Variants in NSDHL observed in about 807,000 individuals in gnomAD.
The protein encoded by NSDHL is sterol-4-alpha-carboxylate 3-dehydrogenase, decarboxylating.
NSDHL carries 1 observed loss-of-function variant against 23.0 expected under a neutral mutation model. That is an observed-to-expected ratio of 0.04 (90% confidence interval 0.02 to 0.21). The LOEUF is 0.21. NSDHL is among the 10% of genes least tolerant of loss of function. The probability of loss-of-function intolerance (pLI) is 1.00; values close to 1 mark genes in which losing one functional copy is unlikely to be tolerated. For synonymous variants in NSDHL, 128 were observed against 121.1 expected (o/e 1.06, Z -0.37); for missense variants, 237 against 300.9 (o/e 0.79, Z 1.57).
At chrX:152,868,674 G>C in intron 7 of NSDHL, 110 bp from the exon 8 acceptor site, 1 of 662,085 alleles carries the variant, frequency 1.5e-6, no homozygotes, top group Non-Finnish European at 2.5e-6. Context: ...CACGTGGAAA[G>C]CTGCAGCAAT....
intron 4 of NSDHL, among the ~76,000 whole-genome samples, chrX:152,860,136 C>T (rs903245055): frequency 3.6e-5 from 4 of 112,460 alleles, no homozygotes; most frequent in African/African-American, 6.5e-5. Context: ...CATCCTCAGC[C>T]GGCCCAGCAG....
intron 1 of NSDHL, among the ~76,000 whole-genome samples, chrX:152,845,483 A>G (rs1556845410): frequency 1.8e-5 from 2 of 111,650 alleles, no homozygotes. Flanking sequence ...GTCAAGTGGC[A>G]TCTTTGTGTT....
intron 2 of NSDHL, among the ~76,000 whole-genome samples, chrX:152,847,503 T>C (rs782530758): frequency 9.0e-6 from 1 of 111,640 alleles, no homozygotes; most frequent in South Asian, 3.8e-4. Flanking sequence ...CAGTTCCTCA[T>C]TTATGTAAAT....
Position 152,855,328 on chromosome X carries a change from G to A in NSDHL, c.268-3442G>A, listed in dbSNP as rs1024892632. On this transcript the variant is annotated intron_variant, in intron 3 of 7. Coordinates refer to ENST00000370274, the MANE Select transcript of NSDHL (RefSeq NM_015922.3). ...CCATGACACTTTTAAAGTCACCTCGGTCTTGTGCATCTTTTGTTGCTGACA... is the reference window on the plus strand; with the variant it reads ...CCATGACACTTTTAAAGTCACCTCGATCTTGTGCATCTTTTGTTGCTGACA... 1.6e-3 allele frequency among the ~76,000 whole-genome samples: 183 copies of A among 111,784 alleles called. 1 individual carries two copies. The highest frequency in any genetic ancestry group is 5.7e-3 in the African/African-American group (175 of 30,790).
At chrX:152,840,137 GT>G (rs1352104523) in intron 1 of NSDHL, among the ~76,000 whole-genome samples, 4 of 112,341 alleles carry the variant, frequency 3.6e-5, no homozygotes, top group African/African-American at 6.5e-5. Flanking sequence ...TCGTGCCATG[GT>G]TTTTCAGCTC....
chrX:152,836,481 A>G (rs1351749323), intron 1 of NSDHL, among the ~76,000 whole-genome samples: 3 of 111,679 alleles, frequency 2.7e-5, no homozygotes, highest in African/African-American at 9.8e-5. Flanking sequence ...ATTTTTGTAT[A>G]AGGTGTAAGG....
chrX:152,857,687 G>A (rs911219727), intron 3 of NSDHL, among the ~76,000 whole-genome samples: 3 of 111,996 alleles, frequency 2.7e-5, no homozygotes, highest in Non-Finnish European at 5.6e-5. Context: ...ACAATTGGGG[G>A]AATTTGAATA....
At chrX:152,855,140 G>A (rs782635834) in intron 3 of NSDHL, among the ~76,000 whole-genome samples, 22 of 108,381 alleles carry the variant, frequency 2.0e-4, no homozygotes, top group South Asian at 4.2e-4. Flanking sequence ...GATTACAGGC[G>A]CCCACCACCA....
chrX:152,845,858 G>A lies in NSDHL; in HGVS notation c.-43-424G>A, dbSNP rs1193226542. Among the ~76,000 whole-genome samples, 6 of 112,340 alleles carry A rather than the reference G, an allele frequency of 5.3e-5. No homozygotes were observed. In the South Asian group the frequency reaches 1.5e-3, roughly 27 times the overall value. On this transcript the variant is annotated intron_variant, in intron 1 of 7. Coordinates refer to ENST00000370274, the MANE Select transcript of NSDHL (RefSeq NM_015922.3). The stretch of plus-strand genomic sequence containing the variant: ...AAAGGGAAGTGACTGGAGCAATTCC[G>A]TACAGTTCGTGATAGGCCCAGAGCA...
rs1488501708 is a variant in NSDHL at position 152,846,280 on chromosome X, A to G, written c.-43-2A>G. The stretch of plus-strand genomic sequence containing the variant: ...ATGTCTGTCTCTAACTATGTCTTTA[A>G]GAAAAGAAAAGTTGATTACAAACGG... On this transcript the variant is annotated splice_acceptor_variant, in intron 1 of 7. Coordinates refer to ENST00000370274, the MANE Select transcript of NSDHL (RefSeq NM_015922.3). LOFTEE classifies it low-confidence loss of function (5UTR_SPLICE). 1.0e-6 allele frequency: 1 copy of G among 985,374 alleles called. No individual in the cohort carries two copies. The highest frequency in any genetic ancestry group is 1.5e-6 in the Non-Finnish European group (1 of 689,185). 81.2% of individuals were successfully genotyped at this position (985,374 alleles called of 1,213,427 possible).
At chrX:152,851,594 C>T (rs1556846304) in intron 3 of NSDHL, among the ~76,000 whole-genome samples, 1 of 111,085 alleles carries the variant, frequency 9.0e-6, no homozygotes. Flanking sequence ...CTGCCCACAC[C>T]TCCAGGCCTG....
intron 4 of NSDHL, among the ~76,000 whole-genome samples, chrX:152,859,764 T>C (rs1933498524): frequency 8.9e-6 from 1 of 112,584 alleles, no homozygotes; most frequent in African/African-American, 3.2e-5. Flanking sequence ...TGCTAGATCA[T>C]ATACTAGTTC....
intron 1 of NSDHL, among the ~76,000 whole-genome samples, chrX:152,837,202 C>A (rs1195711766): frequency 8.9e-6 from 1 of 111,811 alleles, no homozygotes; most frequent in African/African-American, 3.3e-5. Context: ...TGGGCTGAAA[C>A]GATAGGGTTT....
At chrX:152,840,174 A>T (rs1161228158) in intron 1 of NSDHL, among the ~76,000 whole-genome samples, 3 of 112,104 alleles carry the variant, frequency 2.7e-5, no homozygotes, top group African/African-American at 9.7e-5. Flanking sequence ...GGTCTTCTCT[A>T]CACTGTTTAT....
chrX:152,834,857 G>A (rs942439819), intron 1 of NSDHL, among the ~76,000 whole-genome samples: 2 of 112,721 alleles, frequency 1.8e-5, no homozygotes, highest in Admixed American at 9.4e-5. Context: ...GGTGTTTGGG[G>A]AAGGGCAGTT....
At chrX:152,864,535 T>C (rs1270244871) in intron 5 of NSDHL, among the ~76,000 whole-genome samples, 1 of 112,341 alleles carries the variant, frequency 8.9e-6, no homozygotes, top group African/African-American at 3.2e-5. Flanking sequence ...CATCAGTGTC[T>C]CGCTTATATC....
intron 1 of NSDHL, among the ~76,000 whole-genome samples, chrX:152,844,303 C>T (rs929648412): frequency 2.1e-4 from 24 of 112,293 alleles, no homozygotes; most frequent in African/African-American, 6.5e-4. Context: ...CCCAGGCAGC[C>T]GACTCTGGGT....
intron 5 of NSDHL, among the ~76,000 whole-genome samples, chrX:152,865,301 C>T (rs1380543778): frequency 8.9e-6 from 1 of 112,080 alleles, no homozygotes; most frequent in African/African-American, 3.2e-5. Flanking sequence ...GACCCTTCAC[C>T]TTCTCTGACC....
At chrX:152,864,546 A>C (rs1304583139) in intron 5 of NSDHL, among the ~76,000 whole-genome samples, 5 of 112,130 alleles carry the variant, frequency 4.5e-5, no homozygotes, top group Non-Finnish European at 9.4e-5. Context: ...CGCTTATATC[A>C]ACTTTTGGGT....
Sources: gnomAD v4.1 joint callset for allele counts (sites outside exome capture counted in the v4.1 genomes callset) on GRCh38, gnomAD v4.1.1 for gene constraint, MANE v1.5 for transcripts, NCBI Gene and HGNC (gene_info 2026-07-23, HGNC 2026-07-21) for gene names.